AASDHPPT: variants seen among roughly 807,000 people sequenced by gnomAD.
AASDHPPT encodes L-aminoadipate-semialdehyde dehydrogenase-phosphopantetheinyl transferase.
AASDHPPT carries 23 observed loss-of-function variants against 36.4 expected under a neutral mutation model. The ratio of observed to expected loss-of-function variants is 0.63; its 90% CI spans 0.45 to 0.89. AASDHPPT has a LOEUF of 0.89. AASDHPPT is among the 40% of genes least tolerant of loss of function. The pLI, the probability that AASDHPPT is intolerant of heterozygous loss-of-function variation, is 0.00. For missense variants in AASDHPPT, 377 were observed against 378.2 expected (o/e 1.00, Z 0.03); for synonymous variants, 115 against 128.0 (o/e 0.90, Z 0.68).
chr11:106,079,561 T>C lies in AASDHPPT; in HGVS notation c.278T>C (p.Val93Ala). The C allele has an allele frequency of 1.2e-6, 2 of 1,614,178 alleles. No individual in the cohort carries two copies. Among genetic ancestry groups the C allele is most frequent in the Non-Finnish European group, 1.7e-6 (2 of 1,180,014 alleles). The change falls in exon 2 of 6, where the codon GTT becomes GCT. Residue 93 changes from valine (V) to alanine (A), a missense_variant. Val to Ala is a moderately conservative substitution (Grantham distance 64). Coordinates refer to ENST00000278618, the MANE Select transcript of AASDHPPT (RefSeq NM_015423.3). The part of the protein sequence containing the change: ...RLQRTAKGKP[V>A]LAKDSSNPYP... ...CAAAGAACTGCAAAAGGAAAACCAG[T>C]TCTTGCAAAGGACTCATCGAATCCT...
chr11:106,096,103 G>A (rs372475819), intron 5 of AASDHPPT, among the ~76,000 whole-genome samples: 2 of 152,042 alleles, frequency 1.3e-5, no homozygotes, highest in South Asian at 2.1e-4. Flanking sequence ...TAAGATAACC[G>A]TATCACAACA....
At chr11:106,086,736 G>C (rs1185959306) in intron 2 of AASDHPPT, among the ~76,000 whole-genome samples, 1 of 152,022 alleles carries the variant, frequency 6.6e-6, no homozygotes, top group Admixed American at 6.6e-5. Flanking sequence ...GATCCTTCTT[G>C]GGGCAAAATT....
intron 2 of AASDHPPT, 41 bp from the exon 3 acceptor site, chr11:106,090,516 T>G: frequency 6.6e-7 from 1 of 1,505,690 alleles, no homozygotes; most frequent in Non-Finnish European, 8.9e-7. Context: ...TTTTATTTTT[T>G]AATAGAACTG....
At chr11:106,096,518 T>C (rs1259951149) in intron 5 of AASDHPPT, 1 of 351,710 alleles carries the variant, frequency 2.8e-6, no homozygotes, top group Non-Finnish European at 5.0e-6. Flanking sequence ...CCACAGGTTT[T>C]TGTTATATAA....
chr11:106,094,326 T>C, intron 4 of AASDHPPT: 2 of 292,126 alleles, frequency 6.8e-6, no homozygotes, highest in Non-Finnish European at 1.3e-5. Flanking sequence ...ACTGACGTTA[T>C]TAACTGCTGT....
intron 2 of AASDHPPT, among the ~76,000 whole-genome samples, chr11:106,089,837 G>T (rs1012933963): frequency 6.6e-6 from 1 of 151,878 alleles, no homozygotes; most frequent in Non-Finnish European, 1.5e-5. Context: ...AGAATGCTAT[G>T]TAATATTTTG....
intron 1 of AASDHPPT, among the ~76,000 whole-genome samples, chr11:106,078,976 T>C (rs370236385): frequency 7.2e-5 from 11 of 152,196 alleles, no homozygotes; most frequent in African/African-American, 2.6e-4. Flanking sequence ...CACTGCAGAG[T>C]TGTTTTTGAC....
chr11:106,080,110 T>G (rs993384330), intron 2 of AASDHPPT, among the ~76,000 whole-genome samples: 2 of 152,318 alleles, frequency 1.3e-5, no homozygotes, highest in African/African-American at 4.8e-5. Context: ...AACACAAGTT[T>G]GAACTGCATG....
rs2135047353 is a variant in AASDHPPT, at chr11:106,097,058, T to C, written c.*151T>C. On this transcript the variant is annotated 3_prime_UTR_variant, in exon 6 of 6. Transcript: ENST00000278618. ...CAATTAAAAAAAAAAAGCAGACTTC[T>C]GGTTCAAGATAGCTCACTGGAATAC... The C allele has an allele frequency of 1.4e-6, 1 of 716,894 alleles. No individual in the cohort carries two copies. Among genetic ancestry groups the C allele is most frequent in the East Asian group, 3.1e-5 (1 of 32,300 alleles). The allele number at this position is 716,894 out of a possible 1,614,324, so 44.4% of individuals were successfully genotyped here.
In AASDHPPT at chr11:106,091,267, A is replaced by C. The variant is rs779504800; in HGVS notation, c.532-49A>C. On this transcript the variant is annotated intron_variant, in intron 3 of 5. Transcript: ENST00000278618. Reference sequence around the variant, plus strand: ...CTTTTGGACCTGTAGATTCTATGAAAAATTTTTGTCCACCAAATTCTAAGA... The same window carrying C: ...CTTTTGGACCTGTAGATTCTATGAACAATTTTTGTCCACCAAATTCTAAGA... 9 of 1,534,530 alleles carry C rather than the reference A, an allele frequency of 5.9e-6. No individual in the cohort carries two copies. In the South Asian group the frequency reaches 1.1e-4, roughly 20 times the overall value.
At chr11:106,094,341 A>T in intron 4 of AASDHPPT, 1 of 320,298 alleles carries the variant, frequency 3.1e-6, no homozygotes, top group South Asian at 1.1e-4. Context: ...TGCTGTGGTT[A>T]TGTAAGAGAA....
Position 106,091,501 on chromosome 11 carries a change from A to T in AASDHPPT, c.693+24A>T, listed in dbSNP as rs776980085. The T allele has an allele frequency of 3.9e-6, 6 of 1,550,208 alleles. No homozygotes were observed. The South Asian group carries it at 7.4e-5, about 19-fold the overall frequency. On this transcript the variant is annotated intron_variant, in intron 4 of 5. Transcript: ENST00000278618. ...AGGTAAGAAATTTGTTAGAATTGTT[A>T]AAACTAAGAATTTCTATTTTTTATG...
chr11:106,087,254 A>G (rs1861206615), intron 2 of AASDHPPT, among the ~76,000 whole-genome samples: 1 of 152,110 alleles, frequency 6.6e-6, no homozygotes, highest in Non-Finnish European at 1.5e-5. Flanking sequence ...CAGCTCAGAT[A>G]TTTTTGTGTT....
At chr11:106,087,086 A>G (rs1017723409) in intron 2 of AASDHPPT, among the ~76,000 whole-genome samples, 1 of 152,198 alleles carries the variant, frequency 6.6e-6, no homozygotes, top group African/African-American at 2.4e-5. Flanking sequence ...GAGCAACTGA[A>G]GTTTAGGACT....
intron 3 of AASDHPPT, 139 bp downstream of exon 3, chr11:106,090,817 T>C: frequency 8.5e-7 from 1 of 1,181,920 alleles, no homozygotes; most frequent in Admixed American, 3.1e-5. Context: ...TTTTATGGTT[T>C]TTATGCATAT....
chr11:106,084,673 G>A (rs901453469), intron 2 of AASDHPPT, among the ~76,000 whole-genome samples: 5 of 151,222 alleles, frequency 3.3e-5, no homozygotes, highest in South Asian at 2.1e-4. Flanking sequence ...TGGCTCTGTC[G>A]CCCAGGCTGG....
rs1427153956 is a variant in AASDHPPT at position 106,097,901 on chromosome 11, C to G, written c.*994C>G. On this transcript the variant is annotated 3_prime_UTR_variant, in exon 6 of 6. Coordinates refer to ENST00000278618, the MANE Select transcript of AASDHPPT (RefSeq NM_015423.3). ...TTTACCATAATTTACTCACTTTTTT[C>G]TGTGTTAGACATTTTGATTATCTGC... 2 of 152,090 alleles carry G rather than the reference C, an allele frequency of 1.3e-5. No individual in the cohort carries two copies. The highest frequency in any genetic ancestry group is 2.9e-5 in the Non-Finnish European group (2 of 67,988). 9.4% of individuals were successfully genotyped at this position (152,090 alleles called of 1,614,324 possible). A position where few individuals can be genotyped will look rare whatever the true frequency, so the allele number is the denominator to read the frequency against.
rs778002324 is a variant in AASDHPPT at position 106,077,853 on chromosome 11, T to C, written c.143T>C (p.Ile48Thr). Residue 48 changes from isoleucine (I) to threonine (T), a missense_variant, in exon 1 of 6, where the codon ATT (isoleucine) becomes ACT (threonine). Ile to Thr is a moderately conservative substitution (Grantham distance 89, BLOSUM62 -1). Coordinates refer to ENST00000278618, the MANE Select transcript of AASDHPPT (RefSeq NM_015423.3). ...RSIQPEEKER[I>T]GQFVFARDAK... ...ATTCAGCCCGAGGAGAAGGAGCGCA[T>C]TGGCCAGTTCGTCTTTGCCCGGGAC... 1.2e-6 allele frequency: 2 copies of C among 1,614,178 alleles called. No individual in the cohort carries two copies. The highest frequency in any genetic ancestry group is 1.7e-6 in the Non-Finnish European group (2 of 1,180,008).
chr11:106,094,166 CA>C (rs1861288520), intron 4 of AASDHPPT: 1 of 153,404 alleles, frequency 6.5e-6, no homozygotes, highest in African/African-American at 2.4e-5. Context: ...GAAAGGCTAA[CA>C]AGACATGACA....
Sources: gnomAD v4.1 joint callset for allele counts (sites outside exome capture counted in the v4.1 genomes callset) on GRCh38, gnomAD v4.1.1 for gene constraint, MANE v1.5 for transcripts, NCBI Gene and HGNC (gene_info 2026-07-23, HGNC 2026-07-21) for gene names.